PRKG1: variants seen among roughly 807,000 people sequenced by gnomAD.
PRKG1 encodes cGMP-dependent protein kinase 1.
In PRKG1, 35 loss-of-function variants were observed where a neutral mutation model predicts 88.1. That is an observed-to-expected ratio of 0.40 (90% CI 0.30 to 0.53). The LOEUF is 0.53. Among genes scored for constraint, PRKG1 ranks in the 20% least tolerant of loss-of-function variants. PRKG1 has a pLI of 0.59. For synonymous variants in PRKG1, 303 were observed against 292.5 expected, an observed-to-expected ratio of 1.04 and a Z score of -0.37; for missense variants, 540 against 839.8, an observed-to-expected ratio of 0.64 and a Z score of 4.41.
intron 9 of PRKG1, among the ~76,000 whole-genome samples, chr10:52,165,492 C>A (rs575994572): frequency 3.2e-4 from 49 of 152,244 alleles, no homozygotes; most frequent in African/African-American, 1.2e-3. Context: ...TGGGATATTT[C>A]TGTTAATGCC....
At chr10:51,487,195 C>A (rs1021779106) in intron 3 of PRKG1, among the ~76,000 whole-genome samples, 4 of 151,982 alleles carry the variant, frequency 2.6e-5, no homozygotes, top group Non-Finnish European at 5.9e-5. Flanking sequence ...GAATGTAAAC[C>A]CTTAAAGCTT....
chr10:51,021,938 C>T (rs1356950296), intron 1 of PRKG1, among the ~76,000 whole-genome samples: 1 of 152,230 alleles, frequency 6.6e-6, no homozygotes, highest in Admixed American at 6.5e-5. Context: ...GCCTCGGCCT[C>T]CCAAAGTGCT....
chr10:51,451,524 T>C (rs938940473), intron 2 of PRKG1, among the ~76,000 whole-genome samples: 3 of 152,000 alleles, frequency 2.0e-5, no homozygotes, highest in African/African-American at 7.2e-5. Context: ...AGAAGATCTG[T>C]ATTCATGGAA....
At chr10:51,054,208 GA>G (rs566098946) in intron 1 of PRKG1, among the ~76,000 whole-genome samples, 4 of 150,590 alleles carry the variant, frequency 2.7e-5, no homozygotes, top group African/African-American at 4.9e-5. Flanking sequence ...ATTTTTCATA[GA>G]AAAAAAAATT....
chr10:51,204,157 G>C (rs367783100), intron 2 of PRKG1, among the ~76,000 whole-genome samples: 1 of 152,262 alleles, frequency 6.6e-6, no homozygotes, highest in African/African-American at 2.4e-5. Context: ...TATTATTTCT[G>C]ATGGGCCTCT....
chr10:50,991,120 T>G lies in PRKG1; in HGVS notation c.-259T>G. 1 of 445,618 alleles carries G rather than the reference T, an allele frequency of 2.2e-6. No homozygotes were observed. The highest frequency in any genetic ancestry group is 3.9e-6 in the Non-Finnish European group (1 of 253,672). The allele number at this position is 445,618 out of a possible 1,614,324, so 27.6% of individuals were successfully genotyped here. ...CCTACTCCCCAGAGAGGCTGGAGAT[T>G]AGCACTCTGCCTCTCCTCTCCATCG... On this transcript the variant is annotated 5_prime_UTR_variant, in exon 1 of 18. Coordinates refer to the PRKG1 transcript ENST00000401604. This position sits in a 1 kb window ranked among gnomAD's most constrained non-coding sequence, Gnocchi z 4.5.
At position 51,466,874 on chromosome 10, in the gene PRKG1, A is replaced by G. The variant is rs564751558; in HGVS notation, c.479-849A>G. On this transcript the variant is annotated intron_variant, in intron 2 of 17. Coordinates refer to ENST00000373980, the MANE Select transcript of PRKG1 (RefSeq NM_006258.4). ...TAAGCTTCTCTTCTGTAGACTGTGG[A>G]TAAATAACTTGGAGAAAAATAGGAG... 7.2e-5 allele frequency among the ~76,000 whole-genome samples: 11 copies of G among 152,194 alleles called. No homozygotes were observed. In the South Asian group the frequency reaches 2.3e-3, roughly 32 times the overall value.
intron 2 of PRKG1, among the ~76,000 whole-genome samples, chr10:51,408,119 A>G (rs1702976662): frequency 6.6e-6 from 1 of 152,158 alleles, no homozygotes; most frequent in Non-Finnish European, 1.5e-5. Flanking sequence ...CCACCCCTTG[A>G]TTCCTGGACC....
At chr10:51,285,821 A>G (rs1466540640) in intron 2 of PRKG1, among the ~76,000 whole-genome samples, 1 of 152,210 alleles carries the variant, frequency 6.6e-6, no homozygotes, top group Non-Finnish European at 1.5e-5. Context: ...TCCCCCGCTT[A>G]TGAAACTGAC....
intron 8 of PRKG1, among the ~76,000 whole-genome samples, chr10:52,143,971 T>A (rs6480725): frequency 0.24 from 35,843 of 152,098 alleles, 4,473 homozygotes; most frequent in African/African-American, 0.32. Flanking sequence ...AAAATCAGCA[T>A]GAGAAACTGC....
chr10:51,001,967 C>A (rs1269746880), intron 1 of PRKG1, among the ~76,000 whole-genome samples: 1 of 151,186 alleles, frequency 6.6e-6, no homozygotes, highest in East Asian at 1.9e-4. Context: ...ACATTTTTTT[C>A]CAGTTAGTAG....
chr10:52,194,013 A>G (rs1589690593), intron 9 of PRKG1, among the ~76,000 whole-genome samples: 1 of 152,152 alleles, frequency 6.6e-6, no homozygotes, highest in Non-Finnish European at 1.5e-5. Context: ...ATATTTGGTA[A>G]AGATCAAAAT....
chr10:52,244,783 T>TATATATTGAAATATATATTTAG lies in PRKG1; in HGVS notation c.1077-6780_1077-6779insGAAATATATATTTAGATATATT, dbSNP rs1840969402. On this transcript the variant is annotated intron_variant, in intron 9 of 17. Coordinates refer to ENST00000373980, the MANE Select transcript of PRKG1 (RefSeq NM_006258.4). ...AGATATATTTAAATATATACCTTAATATATATTTAAATATATATTTAGATA... is the reference window on the plus strand; with the variant it reads ...AGATATATTTAAATATATACCTTAATATATATTGAAATATATATTTAGATATATTTAAATATATATTTAGATA... Among the ~76,000 whole-genome samples the TATATATTGAAATATATATTTAG allele has an allele frequency of 4.8e-5, 6 of 125,638 alleles. No individual in the cohort carries two copies. In the South Asian group the frequency reaches 1.7e-3, roughly 35 times the overall value. The allele number at this position is 125,638 out of a possible 152,430, so 82.4% of individuals were successfully genotyped here.
intron 3 of PRKG1, among the ~76,000 whole-genome samples, chr10:51,722,043 A>G (rs1296104976): frequency 1.3e-5 from 2 of 152,176 alleles, no homozygotes; most frequent in Non-Finnish European, 2.9e-5. Flanking sequence ...CAGCCTGGCC[A>G]AGATGGTGAA....
chr10:52,291,702 G>T (rs890590859), intron 17 of PRKG1, among the ~76,000 whole-genome samples: 12 of 151,842 alleles, frequency 7.9e-5, no homozygotes, highest in Non-Finnish European at 1.2e-4. Context: ...GAATAGTGCC[G>T]CAATAAACAT....
At chr10:51,137,314 G>A (rs9414827) in intron 1 of PRKG1, among the ~76,000 whole-genome samples, 34,672 of 151,992 alleles carry the variant, frequency 0.23, 9,265 homozygotes, top group African/African-American at 0.65. Flanking sequence ...CTGTAATTAA[G>A]GTATATTTTA....
chr10:51,803,079 A>T (rs1839217138), intron 3 of PRKG1, among the ~76,000 whole-genome samples: 1 of 152,076 alleles, frequency 6.6e-6, no homozygotes, highest in South Asian at 2.1e-4. Context: ...AACTCTTAGG[A>T]ATCCTCTCCT....
At chr10:51,698,676 T>A (rs761941590) in intron 3 of PRKG1, 1 of 1,614,190 alleles carries the variant, frequency 6.2e-7, no homozygotes, top group East Asian at 2.2e-5. Flanking sequence ...ACCCCTGGCA[T>A]TCCAAGTTGG....
At chr10:51,787,674 G>T (rs1838762651) in intron 3 of PRKG1, among the ~76,000 whole-genome samples, 1 of 152,168 alleles carries the variant, frequency 6.6e-6, no homozygotes, top group Non-Finnish European at 1.5e-5. Flanking sequence ...TCCCTGGTCT[G>T]CCATTCCCTG....
Sources: allele counts gnomAD v4.1 joint callset (sites outside exome capture counted in the v4.1 genomes callset), GRCh38; gene constraint gnomAD v4.1.1; non-coding constraint Gnocchi (gnomAD v3.1); transcripts MANE v1.5; gene names NCBI Gene and HGNC (gene_info 2026-07-23, HGNC 2026-07-21).